The following HTR4 variants were observed in gnomAD, a reference collection of about 807,000 sequenced individuals.
HTR4 encodes the protein 5-hydroxytryptamine (serotonin) receptor 4, G protein-coupled.
A neutral mutation model predicts 36.8 loss-of-function variants in HTR4; 16 were observed. The observed-to-expected ratio is 0.43, with a 90% CI of 0.29 to 0.66. The LOEUF is 0.66. Among genes scored for constraint, HTR4 ranks in the 30% least tolerant of loss-of-function variants. The probability of loss-of-function intolerance (pLI) is 0.13; values close to 1 mark genes in which losing one functional copy is unlikely to be tolerated. For synonymous variants in HTR4, 189 were observed against 185.1 expected, an observed-to-expected ratio of 1.02 and a Z score of -0.17; for missense variants, 438 against 490.9, an observed-to-expected ratio of 0.89 and a Z score of 1.02.
At chr5:148,462,192 T>G (rs1057217314) in intron 5 of HTR4, among the ~76,000 whole-genome samples, 1 of 151,752 alleles carries the variant, frequency 6.6e-6, no homozygotes, top group Non-Finnish European at 1.5e-5. Context: ...AAATTGAAAA[T>G]AAGAAATTCA....
At chr5:148,639,324 G>T (rs556316619) in intron 1 of HTR4, among the ~76,000 whole-genome samples, 1 of 151,852 alleles carries the variant, frequency 6.6e-6, no homozygotes, top group South Asian at 2.1e-4. Context: ...ACATGATCTG[G>T]CCCCCACTCT....
chr5:148,630,893 A>G (rs1391987833), intron 2 of HTR4, among the ~76,000 whole-genome samples: 2 of 152,180 alleles, frequency 1.3e-5, no homozygotes, highest in Non-Finnish European at 2.9e-5. Flanking sequence ...TAAATGGGAA[A>G]GTCAAGACTT....
At chr5:148,598,697 T>C (rs542241658) in intron 2 of HTR4, among the ~76,000 whole-genome samples, 2 of 152,352 alleles carry the variant, frequency 1.3e-5, no homozygotes, top group South Asian at 2.1e-4. Flanking sequence ...TAAATATTTA[T>C]TGAGTAAATT....
At chr5:148,512,650 G>A (rs751704993) in intron 5 of HTR4, among the ~76,000 whole-genome samples, 2 of 152,156 alleles carry the variant, frequency 1.3e-5, no homozygotes, top group African/African-American at 2.4e-5. Flanking sequence ...AAAGATACTG[G>A]CCGGGCGCGG....
intron 2 of HTR4, among the ~76,000 whole-genome samples, chr5:148,590,339 C>T (rs551503795): frequency 8.6e-6 from 1 of 116,390 alleles, no homozygotes; most frequent in South Asian, 2.7e-4. Flanking sequence ...GCTCTTGTTG[C>T]CCAGGCTGGA....
At chr5:148,598,320 A>C in intron 2 of HTR4, among the ~76,000 whole-genome samples, 1 of 152,134 alleles carries the variant, frequency 6.6e-6, no homozygotes, top group Admixed American at 6.5e-5. Context: ...TGAGGCAGGC[A>C]GATCACCTGA....
chr5:148,532,619 G>T lies in HTR4; in HGVS notation c.354-9273C>A, dbSNP rs115102071. Among the ~76,000 whole-genome samples the T allele has an allele frequency of 2.4e-3, 366 of 152,276 alleles. 2 individuals are homozygous for T. Among genetic ancestry groups the T allele is most frequent in the African/African-American group, 7.4e-3 (306 of 41,546 alleles). On this transcript the variant is annotated intron_variant, in intron 4 of 6. Coordinates refer to ENST00000377888, the MANE Select transcript of HTR4 (RefSeq NM_000870.7). Reference sequence around the variant, plus strand: ...GAGAAAGTGTAATCTAGGTGCTGTAGACAGCATGGCCAAGGCCTGAAGAGA... The same window carrying T: ...GAGAAAGTGTAATCTAGGTGCTGTATACAGCATGGCCAAGGCCTGAAGAGA...
intron 2 of HTR4, among the ~76,000 whole-genome samples, chr5:148,554,564 G>C (rs1241098374): frequency 6.6e-6 from 1 of 152,188 alleles, no homozygotes; most frequent in Non-Finnish European, 1.5e-5. Context: ...GAGCACAGGT[G>C]AATGCGGAGT....
At chr5:148,570,620 T>C (rs1760635634) in intron 2 of HTR4, among the ~76,000 whole-genome samples, 1 of 152,044 alleles carries the variant, frequency 6.6e-6, no homozygotes, top group African/African-American at 2.4e-5. Flanking sequence ...GTGCAGAGAA[T>C]GAGGGGATGC....
At chr5:148,597,081 C>T (rs1761806899) in intron 2 of HTR4, among the ~76,000 whole-genome samples, 1 of 152,162 alleles carries the variant, frequency 6.6e-6, no homozygotes, top group South Asian at 2.1e-4. Flanking sequence ...AAGCCCAGCT[C>T]AGATGCTGGC....
At position 148,495,961 on chromosome 5, in the gene HTR4, G is replaced by A. The variant is rs755684862; in HGVS notation, c.1077-12668C>T. 2.0e-5 allele frequency among the ~76,000 whole-genome samples: 3 copies of A among 152,182 alleles called. No individual in the cohort carries two copies. The South Asian group carries it at 6.2e-4, about 32-fold the overall frequency. On this transcript the variant is annotated intron_variant, in intron 6 of 6. Coordinates refer to ENST00000377888, the MANE Select transcript of HTR4 (RefSeq NM_000870.7). ...ATTAAAAATACAAAAAATTAGCCGG[G>A]TTTGGTGGCTGGCGCCTGTAACCAG...
intron 6 of HTR4, among the ~76,000 whole-genome samples, chr5:148,494,422 C>A (rs1756592407): frequency 6.6e-6 from 1 of 152,072 alleles, no homozygotes; most frequent in South Asian, 2.1e-4. Flanking sequence ...GGGGCTGTAA[C>A]CCGGATTATT....
intron 5 of HTR4, among the ~76,000 whole-genome samples, chr5:148,515,087 T>C (rs1353441569): frequency 6.6e-6 from 1 of 152,148 alleles, no homozygotes; most frequent in Non-Finnish European, 1.5e-5. Flanking sequence ...ATCTTTTCTG[T>C]TTCTTGGTTC....
At chr5:148,606,734 T>A (rs758505100) in intron 2 of HTR4, among the ~76,000 whole-genome samples, 6 of 152,250 alleles carry the variant, frequency 3.9e-5, no homozygotes, top group Non-Finnish European at 7.3e-5. Flanking sequence ...ACGTTTGTGA[T>A]GCTGTGGCTT....
chr5:148,550,341 C>T, intron 2 of HTR4, 79 bp from the exon 3 acceptor site: 1 of 1,547,582 alleles, frequency 6.5e-7, no homozygotes, highest in Non-Finnish European at 8.9e-7. Flanking sequence ...TCATCATTGA[C>T]CTTCAGAAAG....
chr5:148,542,284 T>C (rs1392607026), intron 4 of HTR4, among the ~76,000 whole-genome samples: 1 of 152,228 alleles, frequency 6.6e-6, no homozygotes, highest in East Asian at 1.9e-4. Flanking sequence ...TGAAATGCAT[T>C]TCAATCCTAT....
chr5:148,624,556 G>C (rs1000834075), intron 2 of HTR4, among the ~76,000 whole-genome samples: 1 of 152,154 alleles, frequency 6.6e-6, no homozygotes, highest in Admixed American at 6.5e-5. Context: ...AAAATAAAAG[G>C]CATGTTGTCC....
intron 2 of HTR4, among the ~76,000 whole-genome samples, chr5:148,591,470 G>A (rs777318407): frequency 3.3e-5 from 5 of 152,102 alleles, no homozygotes; most frequent in Non-Finnish European, 7.4e-5. Flanking sequence ...ATGAGCATGA[G>A]ATGTTTTTCC....
chr5:148,472,615 G>A (rs1755597474), downstream of HTR4, among the ~76,000 whole-genome samples: 3 of 152,154 alleles, frequency 2.0e-5, no homozygotes, highest in Admixed American at 6.5e-5. Context: ...ACTATGTCCT[G>A]TGGAAAAATG....
Sources: gnomAD v4.1 joint callset for allele counts (sites outside exome capture counted in the v4.1 genomes callset) on GRCh38, gnomAD v4.1.1 for gene constraint, MANE v1.5 for transcripts, NCBI Gene and HGNC (gene_info 2026-07-23, HGNC 2026-07-21) for gene names.